ZNF804B: variants seen among roughly 807,000 people sequenced by gnomAD.
ZNF804B encodes the protein zinc finger protein 804B, also known as zinc finger 804B.
Under a neutral mutation model 101.4 loss-of-function variants are expected in ZNF804B, and 80 were observed. The ratio of observed to expected loss-of-function variants is 0.79; its 90% CI spans 0.66 to 0.95. The LOEUF is 0.95. Ranked by LOEUF, ZNF804B falls within the 40% of genes least tolerant of loss-of-function variation. The pLI, the probability that ZNF804B is intolerant of heterozygous loss-of-function variation, is 0.00. For missense variants in ZNF804B, 1,673 were observed against 1,561.9 expected, an observed-to-expected ratio of 1.07 and a Z score of -1.20; for synonymous variants, 622 against 558.8, an observed-to-expected ratio of 1.11 and a Z score of -1.59.
intron 1 of ZNF804B, among the ~76,000 whole-genome samples, chr7:89,203,073 C>A (rs1788669054): frequency 1.3e-5 from 2 of 151,974 alleles, no homozygotes; most frequent in African/African-American, 4.8e-5. Context: ...TAGATTGGAG[C>A]CCAACTCAGT....
chr7:89,088,031 T>C (rs944365893), intron 1 of ZNF804B, among the ~76,000 whole-genome samples: 2 of 151,366 alleles, frequency 1.3e-5, no homozygotes, highest in African/African-American at 2.4e-5. Context: ...ACCATAACTC[T>C]TCAAGAGAGT....
At chr7:89,289,528 G>A (rs539253120) in intron 2 of ZNF804B, among the ~76,000 whole-genome samples, 158 of 152,290 alleles carry the variant, frequency 1.0e-3, no homozygotes, top group African/African-American at 3.6e-3. Context: ...GTGGTACAGA[G>A]AGAATCTGTG....
intron 1 of ZNF804B, among the ~76,000 whole-genome samples, chr7:89,090,415 G>C (rs1215241631): frequency 6.6e-6 from 1 of 152,044 alleles, no homozygotes; most frequent in Non-Finnish European, 1.5e-5. Context: ...TTCAGGATGT[G>C]ATTAGTTAGT....
chr7:88,830,029 G>C (rs1791108564), intron 1 of ZNF804B, among the ~76,000 whole-genome samples: 1 of 152,042 alleles, frequency 6.6e-6, no homozygotes, highest in Admixed American at 6.6e-5. Flanking sequence ...ACAATTTCTT[G>C]TGTTTCTACT....
intron 1 of ZNF804B, among the ~76,000 whole-genome samples, chr7:88,801,043 A>G (rs935944087): frequency 1.3e-5 from 2 of 151,988 alleles, no homozygotes; most frequent in Admixed American, 1.3e-4. Flanking sequence ...CTAGTGGAGA[A>G]TTTTTTATTT....
intron 1 of ZNF804B, among the ~76,000 whole-genome samples, chr7:88,985,440 T>A (rs538774918): frequency 6.6e-6 from 1 of 152,186 alleles, no homozygotes; most frequent in East Asian, 1.9e-4. Context: ...TGTGGACTAT[T>A]AGGACAGAAC....
chr7:88,902,178 T>C (rs940210144), intron 1 of ZNF804B, among the ~76,000 whole-genome samples: 1 of 152,016 alleles, frequency 6.6e-6, no homozygotes, highest in African/African-American at 2.4e-5. Flanking sequence ...ATACATTGTA[T>C]ATAAATTTTC....
chr7:88,793,517 T>C (rs889606893), intron 1 of ZNF804B, among the ~76,000 whole-genome samples: 9 of 152,134 alleles, frequency 5.9e-5, no homozygotes, highest in African/African-American at 2.2e-4. Context: ...TATTGTTTTC[T>C]GTAGCTTTAT....
In ZNF804B at chr7:89,238,002, G is replaced by A. The variant is rs115505313; in HGVS notation, c.249+19707G>A. Reference sequence around the variant, plus strand: ...CCCCTCTCACAAATACTAGAGATCTGAGCATATCTGTCTGCAGATGGGAAG... The same window carrying A: ...CCCCTCTCACAAATACTAGAGATCTAAGCATATCTGTCTGCAGATGGGAAG... On this transcript the variant is annotated intron_variant, in intron 2 of 3. Coordinates refer to ENST00000333190, the MANE Select transcript of ZNF804B (RefSeq NM_181646.5). Among the ~76,000 whole-genome samples, 547 of 152,218 alleles carry A rather than the reference G, an allele frequency of 3.6e-3. 7 individuals carry two copies. Among genetic ancestry groups the A allele is most frequent in the African/African-American group, 0.012 (509 of 41,532 alleles).
chr7:88,799,981 C>G (rs1790553526), intron 1 of ZNF804B, among the ~76,000 whole-genome samples: 1 of 152,046 alleles, frequency 6.6e-6, no homozygotes, highest in Non-Finnish European at 1.5e-5. Flanking sequence ...TGTGCACTTA[C>G]TAAACTTGAT....
intron 1 of ZNF804B, among the ~76,000 whole-genome samples, chr7:88,835,660 G>A (rs1791203322): frequency 6.6e-6 from 1 of 151,770 alleles, no homozygotes; most frequent in South Asian, 2.1e-4. Flanking sequence ...TGCCAAGAAA[G>A]GGTAACTTCG....
chr7:88,783,580 G>A (rs1790259375), intron 1 of ZNF804B, among the ~76,000 whole-genome samples: 2 of 152,106 alleles, frequency 1.3e-5, no homozygotes, highest in South Asian at 4.2e-4. Context: ...GGTGAGTGAT[G>A]GGTAAATAGG....
In ZNF804B at chr7:89,067,132, T is replaced by C. The variant is rs537158095; in HGVS notation, c.109-151023T>C. 5.9e-5 allele frequency among the ~76,000 whole-genome samples: 9 copies of C among 152,294 alleles called. No homozygotes were observed. In the South Asian group the frequency reaches 1.7e-3, roughly 28 times the overall value. On this transcript the variant is annotated intron_variant, in intron 1 of 3. Transcript: ENST00000333190. ...CTGATAAGCTACCGATCAATCTATC[T>C]GTCTACCAACCTACCTACCTATAAA...
In ZNF804B at chr7:88,966,435, G is replaced by A. The variant is rs535080170; in HGVS notation, c.108+206351G>A. Reference sequence around the variant, plus strand: ...TCACTTCTTGAAATTGGTTTGGTACGTTTGAACTGATGCCAAGTATGACCT... The same window carrying A: ...TCACTTCTTGAAATTGGTTTGGTACATTTGAACTGATGCCAAGTATGACCT... On this transcript the variant is annotated intron_variant, in intron 1 of 3. Transcript: ENST00000333190. Among the ~76,000 whole-genome samples, 8 of 151,586 alleles carry A rather than the reference G, an allele frequency of 5.3e-5. No homozygotes were observed. The East Asian group carries it at 5.9e-4, about 11-fold the overall frequency.
At chr7:89,197,795 G>A (rs1788577840) in intron 1 of ZNF804B, among the ~76,000 whole-genome samples, 2 of 151,766 alleles carry the variant, frequency 1.3e-5, no homozygotes, top group Admixed American at 6.6e-5. Flanking sequence ...GTTATATAGA[G>A]TTAAAGATAT....
At chr7:89,021,586 G>A (rs1788668985) in intron 1 of ZNF804B, among the ~76,000 whole-genome samples, 1 of 152,188 alleles carries the variant, frequency 6.6e-6, no homozygotes, top group African/African-American at 2.4e-5. Context: ...AGGCCAGTCT[G>A]GTGGCATGTT....
At chr7:89,133,337 A>G (rs966324711) in intron 1 of ZNF804B, among the ~76,000 whole-genome samples, 12 of 152,050 alleles carry the variant, frequency 7.9e-5, no homozygotes, top group African/African-American at 2.9e-4. Context: ...TCAGTTAAGT[A>G]TGACTCTTGT....
Position 89,335,297 on chromosome 7 carries a change from G to A in ZNF804B, c.2315G>A (p.Ser772Asn). 4 of 1,613,670 alleles carry A rather than the reference G, an allele frequency of 2.5e-6. No homozygotes were observed. The highest frequency in any genetic ancestry group is 3.4e-6 in the Non-Finnish European group (4 of 1,179,924). ...TACTTGTCTGATGATATAACAAAGA[G>A]CAGCCAAATGCAGTCTGAACCACAG... is the stretch of plus-strand genomic sequence containing the variant. ...CFYLSDDITK[S>N]SQMQSEPQKE... Residue 772 changes from serine (S) to asparagine (N), a missense_variant, in exon 4 of 4, where the codon AGC (serine) becomes AAC (asparagine). By Grantham distance (46) the Ser-to-Asn change is conservative (BLOSUM62 1). Transcript: ENST00000333190.
chr7:88,907,625 A>G (rs1007332489), intron 1 of ZNF804B, among the ~76,000 whole-genome samples: 2 of 151,950 alleles, frequency 1.3e-5, no homozygotes, highest in Admixed American at 1.3e-4. Context: ...CGGACTAACT[A>G]AGTAGCCCAA....
Sources: allele counts gnomAD v4.1 joint callset (sites outside exome capture counted in the v4.1 genomes callset), GRCh38; gene constraint gnomAD v4.1.1; transcripts MANE v1.5; gene names NCBI Gene and HGNC (gene_info 2026-07-23, HGNC 2026-07-21).